Variants in ASNS observed in about 807,000 individuals in gnomAD.
The protein encoded by ASNS is asparagine synthetase (glutamine-hydrolyzing), also known as asparagine synthetase [glutamine-hydrolyzing].
Under a neutral mutation model 62.6 loss-of-function variants are expected in ASNS, and 37 were observed. The ratio of observed to expected loss-of-function variants is 0.59; its 90% CI spans 0.45 to 0.78. The LOEUF is 0.78. Among genes scored for constraint, ASNS ranks in the 30% least tolerant of loss-of-function variants. The pLI is 0.00. For missense variants in ASNS, 520 were observed against 682.4 expected (o/e 0.76, Z 2.65); for synonymous variants, 207 against 237.9 (o/e 0.87, Z 1.19).
At chr7:97,923,303 A>T in the ASNS span, among the ~76,000 whole-genome samples, 1 of 151,668 alleles carries the variant, frequency 6.6e-6, no homozygotes. Flanking sequence ...TTAATATTTA[A>T]AAATGGTCAG....
intron 9 of ASNS, 69 bp from the exon 10 acceptor site, chr7:97,854,749 C>G: frequency 6.2e-7 from 1 of 1,605,774 alleles, no homozygotes; most frequent in Non-Finnish European, 8.5e-7. Context: ...TTCTCCCTCT[C>G]CAATCCTAAA....
the ASNS span, among the ~76,000 whole-genome samples, chr7:97,886,311 C>T: frequency 3.3e-3 from 503 of 152,192 alleles, 3 homozygotes; most frequent in African/African-American, 0.011. Flanking sequence ...CCATGCCCGG[C>T]TAATTTTTTT....
At chr7:97,888,941 A>G in the ASNS span, among the ~76,000 whole-genome samples, 2 of 152,160 alleles carry the variant, frequency 1.3e-5, no homozygotes, top group African/African-American at 4.8e-5. Flanking sequence ...CAGAACCTGC[A>G]TATGTCACCT....
intron 4 of ASNS, 80 bp from the exon 5 acceptor site, chr7:97,859,478 A>C (rs41278833): frequency 2.1e-6 from 3 of 1,417,594 alleles, no homozygotes; most frequent in Non-Finnish European, 2.8e-6. Context: ...CATCATCTAC[A>C]TTCCTATTTT....
chr7:97,927,071 CTTTTTTTTTTTTTTTTTTT>C, the ASNS span, among the ~76,000 whole-genome samples: 1 of 40,516 alleles, frequency 2.5e-5, no homozygotes, highest in Non-Finnish European at 5.0e-5. Flanking sequence ...CCACACCTGG[CTTTTTTTTTTTTTTTTTTT>C]TTTTTTTTTG....
chr7:97,889,981 C>T, the ASNS span, among the ~76,000 whole-genome samples: 3 of 112,510 alleles, frequency 2.7e-5, no homozygotes, highest in Non-Finnish European at 3.7e-5. Flanking sequence ...AGTATCTGAA[C>T]GACAAATTCA....
chr7:97,852,597 A>G (rs1445254785), intron 12 of ASNS, 129 bp from the exon 13 acceptor site: 5 of 892,832 alleles, frequency 5.6e-6, no homozygotes, highest in Non-Finnish European at 8.8e-6. Flanking sequence ...TGAATCACCC[A>G]TCACTTAGAA....
chr7:97,902,212 C>A, the ASNS span, among the ~76,000 whole-genome samples: 1 of 152,218 alleles, frequency 6.6e-6, no homozygotes, highest in East Asian at 1.9e-4. Context: ...ACAACACACT[C>A]CTCTCCTTGG....
At chr7:97,911,290 A>C in the ASNS span, among the ~76,000 whole-genome samples, 2 of 152,192 alleles carry the variant, frequency 1.3e-5, no homozygotes, top group African/African-American at 4.8e-5. Context: ...ATAGCTCATT[A>C]AACTAGTCTC....
Position 97,859,308 on chromosome 7 carries a change from T to C in ASNS, c.578A>G (p.Asn193Ser). ...GHYEVLDLKP[N>S]GKVASVEMVK... Reference sequence around the variant, plus strand: ...CATTTCCACGGATGCAACTTTGCCATTTGGCTTTAAATCCAAAACTTCATA... The same window carrying C: ...CATTTCCACGGATGCAACTTTGCCACTTGGCTTTAAATCCAAAACTTCATA... The change falls in exon 5 of 13, where the codon AAT (asparagine) becomes AGT (serine). Residue 193 changes from asparagine (N) to serine (S), a missense_variant. By Grantham distance (46) the Asn-to-Ser change is conservative (BLOSUM62 1). Transcript: ENST00000394308. 1 of 1,614,126 alleles carries C rather than the reference T, an allele frequency of 6.2e-7. No homozygotes were observed. Among genetic ancestry groups the C allele is most frequent in the South Asian group, 1.1e-5 (1 of 91,066 alleles).
At chr7:97,853,536 C>T (rs970696239) in intron 10 of ASNS, 150 bp from the exon 11 acceptor site, 2 of 602,140 alleles carry the variant, frequency 3.3e-6, no homozygotes, top group Non-Finnish European at 5.7e-6. Flanking sequence ...GACTGCCCTA[C>T]ACTAATGAAT....
chr7:97,892,273 G>A, the ASNS span, among the ~76,000 whole-genome samples: 6 of 151,942 alleles, frequency 3.9e-5, no homozygotes, highest in African/African-American at 1.4e-4. Context: ...CACAACATGG[G>A]TCCCTGGGTC....
the ASNS span, chr7:97,928,131 C>G: frequency 6.5e-7 from 1 of 1,532,060 alleles, no homozygotes; most frequent in South Asian, 1.2e-5. Context: ...CCTGCCCGGC[C>G]GCGGCGCGTC....
At chr7:97,906,785 G>C in the ASNS span, 4 of 152,094 alleles carry the variant, frequency 2.6e-5, no homozygotes, top group African/African-American at 9.7e-5. Flanking sequence ...GAGTCCTGGA[G>C]TCTGCAGCCA....
At position 97,852,344 on chromosome 7, in the gene ASNS, C is replaced by T. The variant is rs1562811098; in HGVS notation, c.1601G>A (p.Ser534Asn). 1.2e-6 allele frequency: 2 copies of T among 1,614,156 alleles called. No individual in the cohort carries two copies. Among genetic ancestry groups the T allele is most frequent in the Non-Finnish European group, 1.7e-6 (2 of 1,180,030 alleles). Residue 534 changes from serine to asparagine, a missense_variant, in exon 13 of 13, where the codon AGC (serine) becomes AAC (asparagine). Physicochemically the swap from Ser to Asn is conservative, Grantham distance 46 (BLOSUM62 1). Transcript: ENST00000394308. ...RHYPGRADWLSHYWMPKWINA... is the reference protein window; with the variant it reads ...RHYPGRADWLNHYWMPKWINA... ...GATCCACTTGGGCATCCAGTAATGG[C>T]TCAGCCAGTCAGCCCGGCCTGGGTA...
At chr7:97,856,929 C>T in intron 7 of ASNS, 113 bp from the exon 8 acceptor site, 1 of 1,187,634 alleles carries the variant, frequency 8.4e-7, no homozygotes, top group Non-Finnish European at 1.2e-6. Flanking sequence ...GAAAACTAAA[C>T]AAGGGAAAAA....
chr7:97,923,774 T>C, the ASNS span, among the ~76,000 whole-genome samples: 1 of 152,186 alleles, frequency 6.6e-6, no homozygotes, highest in Non-Finnish European at 1.5e-5. Context: ...AGATCAGACT[T>C]GACCATTCAC....
the ASNS span, among the ~76,000 whole-genome samples, chr7:97,889,581 A>C: frequency 6.6e-6 from 1 of 152,142 alleles, no homozygotes; most frequent in South Asian, 2.1e-4. Context: ...ACTCATGCCA[A>C]TTACAGCTGA....
intron 12 of ASNS, 93 bp from the exon 13 acceptor site, chr7:97,852,561 G>C: frequency 6.4e-6 from 8 of 1,242,670 alleles, no homozygotes; most frequent in Non-Finnish European, 8.1e-6. Context: ...ATGTTAAGAC[G>C]TGACTGTAAC....
Sources: gnomAD v4.1 joint callset for allele counts (sites outside exome capture counted in the v4.1 genomes callset) on GRCh38, gnomAD v4.1.1 for gene constraint, MANE v1.5 for transcripts, NCBI Gene and HGNC (gene_info 2026-07-23, HGNC 2026-07-21) for gene names.